The following PSTK variants were observed in gnomAD, a reference collection of about 807,000 sequenced individuals.
The protein encoded by PSTK is L-seryl-tRNA(Sec) kinase.
A neutral mutation model predicts 38.6 loss-of-function variants in PSTK; 26 were observed. That is an observed-to-expected ratio of 0.67 (90% CI 0.49 to 0.94). The LOEUF is 0.94. Among genes scored for constraint, PSTK ranks in the 40% least tolerant of loss-of-function variants. The pLI, the probability that PSTK is intolerant of heterozygous loss-of-function variation, is 0.00. For missense variants in PSTK, 445 were observed against 436.3 expected, an observed-to-expected ratio of 1.02 and a Z score of -0.18; for synonymous variants, 181 against 161.7, an observed-to-expected ratio of 1.12 and a Z score of -0.91.
rs765428670 is a variant in PSTK at position 122,986,984 on chromosome 10, T to C, written c.877+22T>C. On this transcript the variant is annotated intron_variant, in intron 5 of 5. Transcript: ENST00000406217. ...AAAGGTATGATGTGTCAGTTATGTGTTGAGTTGGTATGATTGTGACTTTCT... is the reference window on the plus strand; with the variant it reads ...AAAGGTATGATGTGTCAGTTATGTGCTGAGTTGGTATGATTGTGACTTTCT... 5 of 1,473,666 alleles carry C rather than the reference T, an allele frequency of 3.4e-6. No homozygotes were observed. In the Admixed American group the frequency reaches 6.7e-5, roughly 20 times the overall value. The allele number at this position is 1,473,666 out of a possible 1,614,324, so 91.3% of individuals were successfully genotyped here.
intron 3 of PSTK, chr10:122,984,571 A>G (rs951710603): frequency 2.0e-5 from 3 of 152,370 alleles, no homozygotes; most frequent in African/African-American, 4.8e-5. Context: ...ACTGTAAACA[A>G]ACTGGGTGCA....
At chr10:122,988,135 T>C (rs1340504424) in intron 5 of PSTK, among the ~76,000 whole-genome samples, 1 of 152,170 alleles carries the variant, frequency 6.6e-6, no homozygotes, top group Admixed American at 6.5e-5. Flanking sequence ...TTGATTTCAT[T>C]TTAGAAAAAT....
intron 3 of PSTK, chr10:122,984,021 C>G (rs1849001986): frequency 6.5e-6 from 1 of 152,752 alleles, no homozygotes; most frequent in African/African-American, 2.4e-5. Context: ...CCACATTTGA[C>G]TATTGAGCCC....
At chr10:122,982,710 T>C in intron 1 of PSTK, 23 bp from the exon 2 acceptor site, 1 of 1,609,946 alleles carries the variant, frequency 6.2e-7, no homozygotes, top group Non-Finnish European at 8.5e-7. Flanking sequence ...TAATATGAAT[T>C]GCAATTCTTT....
intron 5 of PSTK, chr10:122,987,536 G>T (rs1014566277): frequency 4.4e-6 from 7 of 1,607,168 alleles, no homozygotes; most frequent in African/African-American, 2.7e-5. Context: ...TCAGGGGCCA[G>T]GTGTAAGATC....
At chr10:122,988,581 C>A (rs373183695) in intron 5 of PSTK, among the ~76,000 whole-genome samples, 10 of 152,242 alleles carry the variant, frequency 6.6e-5, no homozygotes, top group African/African-American at 1.2e-4. Flanking sequence ...AGAACTCTTA[C>A]CACTCAATAA....
At chr10:122,983,680 GT>G in intron 3 of PSTK, 2 of 566,392 alleles carry the variant, frequency 3.5e-6, no homozygotes, top group Admixed American at 3.4e-5. Context: ...GCTCATAACT[GT>G]TACGATTATA....
At chr10:122,981,334 G>C (rs916004841) in intron 1 of PSTK, among the ~76,000 whole-genome samples, 4 of 152,154 alleles carry the variant, frequency 2.6e-5, no homozygotes, top group African/African-American at 9.7e-5. Context: ...ACCAGAGGAA[G>C]TAATGGGTTT....
Position 122,980,794 on chromosome 10 carries a change from A to C in PSTK, c.216+99A>C, listed in dbSNP as rs1327651303. The C allele has an allele frequency of 2.3e-6, 3 of 1,285,432 alleles. No homozygotes were observed. The highest frequency in any genetic ancestry group is 1.6e-5 in the African/African-American group (1 of 62,538). 79.6% of individuals were successfully genotyped at this position (1,285,432 alleles called of 1,614,324 possible). A position where few individuals can be genotyped will look rare whatever the true frequency, so the allele number is the denominator to read the frequency against. ...TCCACGCGGTCCTGGGTGATTTGCCATGAGCGCCCATTGCTTGGTGTGGGA... is the reference window on the plus strand; with the variant it reads ...TCCACGCGGTCCTGGGTGATTTGCCCTGAGCGCCCATTGCTTGGTGTGGGA... On this transcript the variant is annotated intron_variant, in intron 1 of 5. Transcript: ENST00000406217. The surrounding 1 kb of genome is among the most constrained non-coding windows in gnomAD (Gnocchi z 4.3).
In PSTK at chr10:122,983,332, A is replaced by G. The variant is rs1220572501; in HGVS notation, c.569A>G (p.Asn190Ser). ...DCPLETCLQRNGQRPQALPPE... is the reference protein window; with the variant it reads ...DCPLETCLQRSGQRPQALPPE... The stretch of plus-strand genomic sequence containing the variant: ...CCTCTTGAGACCTGTTTACAGAGGA[A>G]TGGCCAGAGGCCACAGGCACTGCCT... Residue 190 changes from asparagine to serine, a missense_variant, in exon 3 of 6, where the codon AAT (asparagine) becomes AGT (serine). Coordinates refer to ENST00000406217, the MANE Select transcript of PSTK (RefSeq NM_001363531.2). 3 of 1,614,112 alleles carry G rather than the reference A, an allele frequency of 1.9e-6. No individual in the cohort carries two copies. Among genetic ancestry groups the G allele is most frequent in the Non-Finnish European group, 2.5e-6 (3 of 1,180,028 alleles).
chr10:122,982,562 A>G, intron 1 of PSTK, 171 bp from the exon 2 acceptor site: 1 of 610,772 alleles, frequency 1.6e-6, no homozygotes, highest in Non-Finnish European at 2.9e-6. Context: ...TTAGTTTTCC[A>G]GGCAGAAGGA....
chr10:122,986,486 C>A, intron 4 of PSTK, 111 bp downstream of exon 4: 2 of 796,736 alleles, frequency 2.5e-6, no homozygotes, highest in Non-Finnish European at 4.3e-6. Flanking sequence ...TTGTCATTGG[C>A]TTGGCCTCTC....
In PSTK at chr10:122,987,585, G is replaced by A. The variant is rs1267596483; in HGVS notation, c.877+623G>A. 2.6e-6 allele frequency: 4 copies of A among 1,532,034 alleles called. No individual in the cohort carries two copies. In the East Asian group the frequency reaches 9.1e-5, roughly 35 times the overall value. The allele number at this position is 1,532,034 out of a possible 1,614,324, so 94.9% of individuals were successfully genotyped here. ...AGTAAAGTCAATGTATTATAAATCT[G>A]AATTTATATAATAGATGAAATATGT... On this transcript the variant is annotated intron_variant, in intron 5 of 5. Coordinates refer to ENST00000406217, the MANE Select transcript of PSTK (RefSeq NM_001363531.2).
chr10:122,980,531 C>G lies in PSTK; in HGVS notation c.52C>G (p.Arg18Gly). The G allele has an allele frequency of 1.9e-6, 3 of 1,609,946 alleles. No individual in the cohort carries two copies. Among genetic ancestry groups the G allele is most frequent in the Non-Finnish European group, 2.5e-6 (3 of 1,179,370 alleles). ...AACCGGCAGCGACGGGCCGCGGAAA[C>G]GAGGCCTCTGCGTCCTCTGTGGCCT... ...RGTGSDGPRK[R>G]GLCVLCGLPA... The change falls in exon 1 of 6, where the codon CGA becomes GGA. Residue 18 changes from arginine to glycine, a missense_variant. Coordinates refer to ENST00000406217, the MANE Select transcript of PSTK (RefSeq NM_001363531.2). This position sits in a 1 kb window ranked among gnomAD's most constrained non-coding sequence, Gnocchi z 4.3.
chr10:122,987,596 A>T, intron 5 of PSTK: 2 of 1,483,714 alleles, frequency 1.3e-6, no homozygotes, highest in Non-Finnish European at 1.8e-6. Context: ...AATTTATATA[A>T]TAGATGAAAT....
Position 122,983,385 on chromosome 10 carries a change from A to C in PSTK, c.622A>C (p.Lys208Gln). 6.2e-7 allele frequency: 1 copy of C among 1,614,212 alleles called. No individual in the cohort carries two copies. Among genetic ancestry groups the C allele is most frequent in the Non-Finnish European group, 8.5e-7 (1 of 1,180,032 alleles). The change falls in exon 3 of 6, where the codon AAG becomes CAG. Residue 208 changes from lysine to glutamine, a missense_variant. Transcript: ENST00000406217. ...TGAGACCATCCACCTGATGGGAAGA[A>C]AGCTAGAAAAGCCCAACCCTGAGAA... ...PPETIHLMGR[K>Q]LEKPNPEKNA...
At position 122,980,676 on chromosome 10, in the gene PSTK, G is replaced by A. The variant is rs1218527590; in HGVS notation, c.197G>A (p.Gly66Glu). Residue 66 changes from glycine to glutamate, a missense_variant, in exon 1 of 6, where the codon GGG (glycine) becomes GAG (glutamate). Transcript: ENST00000406217. This position sits in a 1 kb window ranked among gnomAD's most constrained non-coding sequence, Gnocchi z 4.3. ...DDVMPDAFLA[G>E]ARARPAPSQW... ...GTCATGCCCGACGCGTTTCTCGCCG[G>A]GGCAAGAGCGCGACCGGCGGTCAGC... The A allele has an allele frequency of 1.3e-6, 2 of 1,537,960 alleles. No individual in the cohort carries two copies. The highest frequency in any genetic ancestry group is 8.8e-7 in the Non-Finnish European group (1 of 1,131,954).
chr10:122,989,531 C>T (rs1849093172), intron 5 of PSTK, among the ~76,000 whole-genome samples: 1 of 152,022 alleles, frequency 6.6e-6, no homozygotes, highest in African/African-American at 2.4e-5. Context: ...GGATTACAGG[C>T]TTGAGCCACC....
chr10:122,986,845 A>G (rs770838030), intron 4 of PSTK, 24 bp from the exon 5 acceptor site: 3 of 1,420,054 alleles, frequency 2.1e-6, no homozygotes, highest in East Asian at 2.3e-5. Context: ...GTGACTTCTA[A>G]TAACAATGTC....
Sources: gnomAD v4.1 joint callset for allele counts (sites outside exome capture counted in the v4.1 genomes callset) on GRCh38, gnomAD v4.1.1 for gene constraint, Gnocchi (gnomAD v3.1) non-coding constraint, MANE v1.5 for transcripts, NCBI Gene and HGNC (gene_info 2026-07-23, HGNC 2026-07-21) for gene names.